The following TLN2 variants were observed in gnomAD, a reference collection of about 807,000 sequenced individuals.
TLN2 encodes the protein talin-2.
In TLN2, 118 loss-of-function variants were observed where a neutral mutation model predicts 294.7. That is an observed-to-expected ratio of 0.40 (90% CI 0.34 to 0.47). The LOEUF is 0.47. Among genes scored for constraint, TLN2 ranks in the 20% least tolerant of loss-of-function variants. The pLI, the probability that TLN2 is intolerant of heterozygous loss-of-function variation, is 0.84. For synonymous variants in TLN2, 1,431 were observed against 1,304.5 expected, an observed-to-expected ratio of 1.10 and a Z score of -2.09; for missense variants, 3,083 against 3,282.2, an observed-to-expected ratio of 0.94 and a Z score of 1.48.
At chr15:62,701,263 G>GT in intron 17 of TLN2, 49 bp downstream of exon 17, 2 of 1,418,576 alleles carry the variant, frequency 1.4e-6, no homozygotes, top group South Asian at 1.3e-5. Flanking sequence ...TTTAAAAGCT[G>GT]TGTTTTTTTT....
At chr15:62,624,360 G>C (rs1202511198) in intron 3 of TLN2, among the ~76,000 whole-genome samples, 2 of 152,296 alleles carry the variant, frequency 1.3e-5, no homozygotes, top group Admixed American at 1.3e-4. Flanking sequence ...AGCTGATAGA[G>C]TAAACCTCCA....
At chr15:62,438,541 C>A (rs2035402571) in intron 1 of TLN2, among the ~76,000 whole-genome samples, 3 of 152,164 alleles carry the variant, frequency 2.0e-5, no homozygotes, top group Non-Finnish European at 4.4e-5. Context: ...TTATTTATCC[C>A]ATACAGTTCG....
At position 62,762,550 on chromosome 15, in the gene TLN2, G is replaced by A. The variant is rs2062741219; in HGVS notation, c.4961+97G>A. The A allele has an allele frequency of 3.8e-6, 5 of 1,317,458 alleles. No homozygotes were observed. The Admixed American group carries it at 1.0e-4, about 27-fold the overall frequency. The allele number at this position is 1,317,458 out of a possible 1,614,324, so 81.6% of individuals were successfully genotyped here. ...CTTTTTACTTAATAGTGATATTGTTGATCATTATCATCTTTTTCTTTTCTC... is the reference window on the plus strand; with the variant it reads ...CTTTTTACTTAATAGTGATATTGTTAATCATTATCATCTTTTTCTTTTCTC... On this transcript the variant is annotated intron_variant, in intron 39 of 58. Transcript: ENST00000636159.
At chr15:62,800,083 T>C (rs1457863758) in intron 48 of TLN2, among the ~76,000 whole-genome samples, 1 of 152,228 alleles carries the variant, frequency 6.6e-6, no homozygotes, top group East Asian at 1.9e-4. Flanking sequence ...CAGAGGCAGC[T>C]CATCGGCCAA....
intron 1 of TLN2, among the ~76,000 whole-genome samples, chr15:62,537,009 C>T (rs1175567864): frequency 1.3e-5 from 2 of 148,226 alleles, no homozygotes; most frequent in Admixed American, 1.4e-4. Flanking sequence ...CTAGAACTCA[C>T]TCTGTCATTG....
intron 1 of TLN2, among the ~76,000 whole-genome samples, chr15:62,450,573 GTC>G (rs1566981245): frequency 3.3e-5 from 5 of 149,282 alleles, no homozygotes; most frequent in African/African-American, 1.2e-4. Flanking sequence ...GTGTGTGTGT[GTC>G]TGTGTGTGTG....
At chr15:62,834,448 G>A (rs1382827800) in intron 55 of TLN2, 1 of 152,124 alleles carries the variant, frequency 6.6e-6, no homozygotes, top group African/African-American at 2.4e-5. Flanking sequence ...GATAGGTAGA[G>A]GTGAGTTGTG....
intron 2 of TLN2, among the ~76,000 whole-genome samples, chr15:62,601,557 TA>T (rs1254558523): frequency 7.2e-5 from 11 of 152,378 alleles, no homozygotes; most frequent in African/African-American, 2.4e-4. Context: ...AAACACATAG[TA>T]ACTGTAGACT....
Position 62,702,013 on chromosome 15 carries a change from A to G in TLN2, c.1718A>G (p.Tyr573Cys). The change falls in exon 18 of 59, where the codon TAC becomes TGC. Residue 573 changes from tyrosine (Y) to cysteine (C), a missense_variant. By Grantham distance (194) the Tyr-to-Cys change is radical. Transcript: ENST00000636159. Reference sequence around the variant, plus strand: ...CCAGGTGACCCTGCAGACACTGACTACACAGCTGTGGGATGTGCGATCACC... The same window carrying G: ...CCAGGTGACCCTGCAGACACTGACTGCACAGCTGTGGGATGTGCGATCACC... ...LTAGDPADTD[Y>C]TAVGCAITTI... 6.2e-7 allele frequency: 1 copy of G among 1,614,148 alleles called. No homozygotes were observed. Among genetic ancestry groups the G allele is most frequent in the Non-Finnish European group, 8.5e-7 (1 of 1,180,038 alleles).
Position 62,550,172 on chromosome 15 carries a change from G to A in TLN2, c.-237-39515G>A, listed in dbSNP as rs1009047583. On this transcript the variant is annotated intron_variant, in intron 1 of 58. Coordinates refer to ENST00000636159, the MANE Select transcript of TLN2 (RefSeq NM_015059.3). ...GGAGGAGAGCTTCCAGGTCTGAGTG[G>A]TCAGCAGGATCTTGTAGGAAGTTAA... is the stretch of plus-strand genomic sequence containing the variant. 1.3e-5 allele frequency among the ~76,000 whole-genome samples: 2 copies of A among 152,176 alleles called. 1 individual carries two copies. Among genetic ancestry groups the A allele is most frequent in the African/African-American group, 4.8e-5 (2 of 41,444 alleles).
chr15:62,561,887 C>T (rs903707279), intron 1 of TLN2, among the ~76,000 whole-genome samples: 3 of 152,126 alleles, frequency 2.0e-5, no homozygotes, highest in Non-Finnish European at 4.4e-5. Context: ...TTTTAACATG[C>T]TCTCCTCACG....
At chr15:62,593,510 T>C (rs537874214) in intron 2 of TLN2, among the ~76,000 whole-genome samples, 1 of 152,370 alleles carries the variant, frequency 6.6e-6, no homozygotes, top group East Asian at 1.9e-4. Flanking sequence ...GTTAATTTCT[T>C]TCCACATTAA....
intron 18 of TLN2, 145 bp from the exon 19 acceptor site, chr15:62,702,621 T>C (rs1329151711): frequency 1.5e-5 from 11 of 730,856 alleles, no homozygotes; most frequent in Admixed American, 1.4e-4. Flanking sequence ...CACCGGGATG[T>C]CTTCTATCTG....
At chr15:62,499,928 ACAAG>A (rs1185951424) in intron 1 of TLN2, among the ~76,000 whole-genome samples, 2 of 151,574 alleles carry the variant, frequency 1.3e-5, no homozygotes, top group African/African-American at 2.4e-5. Flanking sequence ...TTCTTTAAAA[ACAAG>A]CAAAGAAACA....
At chr15:62,559,596 A>T (rs1004572224) in intron 1 of TLN2, among the ~76,000 whole-genome samples, 1 of 152,204 alleles carries the variant, frequency 6.6e-6, no homozygotes, top group African/African-American at 2.4e-5. Context: ...CTTCCACACT[A>T]GCTCTGAGGT....
intron 2 of TLN2, among the ~76,000 whole-genome samples, chr15:62,610,265 C>G (rs2047814108): frequency 6.6e-6 from 1 of 152,186 alleles, no homozygotes; most frequent in African/African-American, 2.4e-5. Flanking sequence ...TAGTTATATT[C>G]TATAAAGTAT....
At chr15:62,584,338 A>G (rs1159185220) in intron 1 of TLN2, among the ~76,000 whole-genome samples, 2 of 152,184 alleles carry the variant, frequency 1.3e-5, no homozygotes, top group South Asian at 2.1e-4. Flanking sequence ...TGCATGTAAC[A>G]CTTTTTACCT....
rs2033483934 is a variant in TLN2, at chr15:62,407,606, TAGG to T, written c.-238+16924_-238+16926del. On this transcript the variant is annotated intron_variant, in intron 1 of 58. Coordinates refer to ENST00000636159, the MANE Select transcript of TLN2 (RefSeq NM_015059.3). ...GTTAGCTGGCTTGCGTCGGAATCCC[TAGG>T]AGATGTCATGGAAAGGTGCTTACTG... is the stretch of plus-strand genomic sequence containing the variant. Among the ~76,000 whole-genome samples the T allele has an allele frequency of 2.0e-5, 3 of 152,264 alleles. No homozygotes were observed. In the South Asian group the frequency reaches 6.2e-4, roughly 32 times the overall value.
chr15:62,741,586 A>G (rs2061321752), intron 32 of TLN2, among the ~76,000 whole-genome samples: 1 of 152,154 alleles, frequency 6.6e-6, no homozygotes, highest in African/African-American at 2.4e-5. Flanking sequence ...TTACCATCAT[A>G]TTACGTATAA....
Sources: allele counts gnomAD v4.1 joint callset (sites outside exome capture counted in the v4.1 genomes callset), GRCh38; gene constraint gnomAD v4.1.1; transcripts MANE v1.5; gene names NCBI Gene and HGNC (gene_info 2026-07-23, HGNC 2026-07-21).